The following SLC13A1 variants were observed in gnomAD, a reference collection of about 807,000 sequenced individuals.
SLC13A1 encodes the protein Na(+)/sulfate cotransporter.
In SLC13A1, 65 loss-of-function variants were observed where a neutral mutation model predicts 70.0. The observed-to-expected ratio is 0.93, with a 90% CI of 0.76 to 1.14. The LOEUF (loss-of-function observed/expected upper bound fraction) is 1.14, where lower values mean the gene tolerates loss of function less well. SLC13A1 is among the 50% of genes most tolerant of loss of function. The probability of loss-of-function intolerance (pLI) is 0.00; values close to 1 mark genes in which losing one functional copy is unlikely to be tolerated. For missense variants in SLC13A1, 726 were observed against 717.8 expected, an observed-to-expected ratio of 1.01 and a Z score of -0.13; for synonymous variants, 275 against 250.5, an observed-to-expected ratio of 1.10 and a Z score of -0.92.
Position 123,181,010 on chromosome 7 carries a change from A to AAACT in SLC13A1, c.187_190dup (p.Leu64Ter). On this transcript the variant is annotated stop_gained and frameshift_variant, in exon 2 of 15. Coordinates refer to ENST00000194130, the MANE Select transcript of SLC13A1 (RefSeq NM_022444.4). LOFTEE classifies it high-confidence loss of function. ...CATGATCCCAAACATGGGTAACATT[A>AAACT]AACTAGGTAGCAAAGCTGTTACCGA... is the stretch of plus-strand genomic sequence containing the variant. 1 of 1,612,792 alleles carries AAACT rather than the reference A, an allele frequency of 6.2e-7. No individual in the cohort carries two copies. The highest frequency in any genetic ancestry group is 2.2e-5 in the East Asian group (1 of 44,854).
At chr7:123,189,715 G>T (rs890779681) in intron 1 of SLC13A1, among the ~76,000 whole-genome samples, 1 of 151,906 alleles carries the variant, frequency 6.6e-6, no homozygotes, top group South Asian at 2.1e-4. Context: ...CTCCAGAAAG[G>T]TCTATTATAT....
chr7:123,194,638 G>A (rs1796116987), intron 1 of SLC13A1, among the ~76,000 whole-genome samples: 1 of 151,978 alleles, frequency 6.6e-6, no homozygotes. Flanking sequence ...ACAGCTTCAA[G>A]GAAAGCAGTG....
At chr7:123,166,405 T>G (rs1012511723) in intron 6 of SLC13A1, among the ~76,000 whole-genome samples, 6 of 152,256 alleles carry the variant, frequency 3.9e-5, no homozygotes, top group Non-Finnish European at 8.8e-5. Context: ...TTATTTTTTT[T>G]TATTATACTT....
chr7:123,142,257 C>T (rs933393731), intron 7 of SLC13A1, among the ~76,000 whole-genome samples: 2 of 152,120 alleles, frequency 1.3e-5, no homozygotes, highest in Non-Finnish European at 2.9e-5. Flanking sequence ...CAAACTACCA[C>T]TGATGTTCCC....
chr7:123,193,874 C>T (rs907009510), intron 1 of SLC13A1, among the ~76,000 whole-genome samples: 5 of 152,106 alleles, frequency 3.3e-5, no homozygotes, highest in African/African-American at 1.2e-4. Flanking sequence ...TCTGGTTACA[C>T]CTACATTCTT....
chr7:123,194,687 A>T (rs1163063680), intron 1 of SLC13A1, among the ~76,000 whole-genome samples: 2 of 151,922 alleles, frequency 1.3e-5, no homozygotes, highest in African/African-American at 4.8e-5. Flanking sequence ...TGAGGTTGAG[A>T]GGGGAGATTT....
chr7:123,199,543 A>G (rs189624440), intron 1 of SLC13A1, among the ~76,000 whole-genome samples: 1 of 152,196 alleles, frequency 6.6e-6, no homozygotes, highest in African/African-American at 2.4e-5. Flanking sequence ...GAGAATGACA[A>G]CTTGAACTGC....
chr7:123,126,106 G>T (rs543257265), intron 10 of SLC13A1, among the ~76,000 whole-genome samples: 1 of 152,272 alleles, frequency 6.6e-6, no homozygotes, highest in South Asian at 2.1e-4. Flanking sequence ...CTATTAAATT[G>T]TGGCAAGGCG....
chr7:123,163,934 A>G (rs1192806573), intron 6 of SLC13A1, among the ~76,000 whole-genome samples: 1 of 152,118 alleles, frequency 6.6e-6, no homozygotes, highest in Non-Finnish European at 1.5e-5. Context: ...TTTACTATTT[A>G]CAGCAGTCAC....
intron 2 of SLC13A1, among the ~76,000 whole-genome samples, chr7:123,176,062 A>T (rs1475153337): frequency 6.6e-6 from 1 of 152,236 alleles, no homozygotes; most frequent in Admixed American, 6.5e-5. Context: ...TGTCCTACTA[A>T]AAAGTTTATT....
intron 12 of SLC13A1, among the ~76,000 whole-genome samples, chr7:123,120,491 C>T (rs183249283): frequency 6.2e-4 from 94 of 152,130 alleles, no homozygotes; most frequent in Non-Finnish European, 1.2e-3. Flanking sequence ...ACTGGCTATA[C>T]TCAGATTAGC....
At chr7:123,173,431 A>G (rs1795338645) in intron 2 of SLC13A1, among the ~76,000 whole-genome samples, 1 of 152,126 alleles carries the variant, frequency 6.6e-6, no homozygotes, top group Non-Finnish European at 1.5e-5. Flanking sequence ...TTTCCTTGCT[A>G]TTTCATTTAT....
chr7:123,177,669 A>T (rs1338247182), intron 2 of SLC13A1, among the ~76,000 whole-genome samples: 1 of 152,090 alleles, frequency 6.6e-6, no homozygotes, highest in Non-Finnish European at 1.5e-5. Context: ...TCATGCTCCA[A>T]ATATTCAAAT....
chr7:123,128,826 C>T lies in SLC13A1; in HGVS notation c.1133+19G>A. On this transcript the variant is annotated intron_variant, in intron 10 of 14. Coordinates refer to ENST00000194130, the MANE Select transcript of SLC13A1 (RefSeq NM_022444.4). Reference sequence around the variant, plus strand: ...GTATAAAACAGGAAGGGCTGACAAACATAACGTGCAAAGCTTACTCTGAAA... The same window carrying T: ...GTATAAAACAGGAAGGGCTGACAAATATAACGTGCAAAGCTTACTCTGAAA... 6.4e-7 allele frequency: 1 copy of T among 1,552,006 alleles called. No homozygotes were observed. The highest frequency in any genetic ancestry group is 8.9e-7 in the Non-Finnish European group (1 of 1,124,946).
chr7:123,134,673 T>TA (rs1793891265), intron 7 of SLC13A1, 144 bp from the exon 8 acceptor site: 1 of 635,672 alleles, frequency 1.6e-6, no homozygotes, highest in East Asian at 2.9e-5. Context: ...TTAAATAGAG[T>TA]ACTTTTACCC....
Position 123,169,229 on chromosome 7 carries a change from T to C in SLC13A1, c.472A>G (p.Ile158Val), listed in dbSNP as rs776751953. The change falls in exon 4 of 15, where the codon ATC (isoleucine) becomes GTC (valine). Residue 158 changes from isoleucine (I) to valine (V), a missense_variant. Physicochemically the swap from Ile to Val is conservative, Grantham distance 29. Transcript: ENST00000194130. ...TCGACCTCTGCTTCTGCATTGATGATCTGCTGCACTACAGCCTCCGCAATG... is the reference window on the plus strand; with the variant it reads ...TCGACCTCTGCTTCTGCATTGATGACCTGCTGCACTACAGCCTCCGCAATG... ...MPIAEAVVQQ[I>V]INAEAEVEAT... 3.1e-6 allele frequency: 5 copies of C among 1,614,098 alleles called. No individual in the cohort carries two copies. Among genetic ancestry groups the C allele is most frequent in the Non-Finnish European group, 4.2e-6 (5 of 1,179,990 alleles).
chr7:123,140,376 G>C (rs1395598221), intron 7 of SLC13A1, among the ~76,000 whole-genome samples: 1 of 151,976 alleles, frequency 6.6e-6, no homozygotes, highest in African/African-American at 2.4e-5. Flanking sequence ...ATTCATAAGG[G>C]ATATTTCTCT....
chr7:123,144,277 G>A (rs912073165), intron 7 of SLC13A1, among the ~76,000 whole-genome samples: 1 of 152,058 alleles, frequency 6.6e-6, no homozygotes, highest in Admixed American at 6.5e-5. Flanking sequence ...GCACATAGGT[G>A]GTATTACAAA....
chr7:123,193,324 T>A (rs1421402509), intron 1 of SLC13A1, among the ~76,000 whole-genome samples: 4 of 147,828 alleles, frequency 2.7e-5, no homozygotes, highest in African/African-American at 9.9e-5. Context: ...AAAAAAAAAA[T>A]CAGCCAAGGG....
Sources: gnomAD v4.1 joint callset for allele counts (sites outside exome capture counted in the v4.1 genomes callset) on GRCh38, gnomAD v4.1.1 for gene constraint, MANE v1.5 for transcripts, NCBI Gene and HGNC (gene_info 2026-07-23, HGNC 2026-07-21) for gene names.